The following BRINP2 variants were observed in gnomAD, a reference collection of about 807,000 sequenced individuals.
BRINP2 encodes BMP/retinoic acid-inducible neural-specific protein 2.
BRINP2 carries 21 observed loss-of-function variants against 69.2 expected under a neutral mutation model. The ratio of observed to expected loss-of-function variants is 0.30; its 90% CI spans 0.22 to 0.44. BRINP2 has a LOEUF of 0.44. Ranked by LOEUF, BRINP2 falls within the 20% of genes least tolerant of loss-of-function variation. The probability of loss-of-function intolerance (pLI) is 1.00; values close to 1 mark genes in which losing one functional copy is unlikely to be tolerated. For missense variants in BRINP2, 877 were observed against 986.0 expected (o/e 0.89, Z 1.48); for synonymous variants, 380 against 394.1 (o/e 0.96, Z 0.42).
intron 1 of BRINP2, among the ~76,000 whole-genome samples, chr1:177,172,290 C>A (rs1489935347): frequency 6.6e-6 from 1 of 152,186 alleles, no homozygotes; most frequent in African/African-American, 2.4e-5. Flanking sequence ...AGGGTGGTGG[C>A]AGAAGCCCCA....
chr1:177,239,843 T>C (rs897598962), intron 2 of BRINP2, among the ~76,000 whole-genome samples: 1 of 152,296 alleles, frequency 6.6e-6, no homozygotes, highest in East Asian at 1.9e-4. Context: ...TTGGGGAAGA[T>C]GCAGGAATCT....
At chr1:177,184,431 A>C (rs1413863360) in intron 1 of BRINP2, among the ~76,000 whole-genome samples, 1 of 152,156 alleles carries the variant, frequency 6.6e-6, no homozygotes, top group Non-Finnish European at 1.5e-5. Context: ...AACAAAACTG[A>C]TATCTTGGTG....
At chr1:177,256,606 T>TG in intron 3 of BRINP2, 3 of 985,312 alleles carry the variant, frequency 3.0e-6, no homozygotes, top group Non-Finnish European at 3.6e-6. Context: ...GGTGGAGCAA[T>TG]GTGGGCTAGG....
intron 4 of BRINP2, among the ~76,000 whole-genome samples, chr1:177,268,685 C>T (rs189036642): frequency 1.0e-3 from 155 of 152,294 alleles, no homozygotes; most frequent in African/African-American, 3.6e-3. Context: ...TGCCTATCAC[C>T]TTCCTGACAC....
At chr1:177,195,651 C>T (rs1255185986) in intron 1 of BRINP2, among the ~76,000 whole-genome samples, 2 of 151,800 alleles carry the variant, frequency 1.3e-5, no homozygotes, top group Non-Finnish European at 2.9e-5. Flanking sequence ...AACACCAACG[C>T]TGGCAAGTGG....
intron 5 of BRINP2, among the ~76,000 whole-genome samples, chr1:177,275,928 G>A (rs150046352): frequency 0.011 from 1,676 of 152,282 alleles, 12 homozygotes; most frequent in Middle Eastern, 0.024. Context: ...TGATATGCAC[G>A]CTCTCAATTT....
At chr1:177,248,441 G>T (rs1650458452) in intron 2 of BRINP2, among the ~76,000 whole-genome samples, 1 of 151,170 alleles carries the variant, frequency 6.6e-6, no homozygotes, top group Non-Finnish European at 1.5e-5. Context: ...CAGTTTGTGT[G>T]TGTGTGTGTG....
rs571018588 is a variant in BRINP2, at chr1:177,207,428, A to G, written c.-76-22373A>G. Reference sequence around the variant, plus strand: ...GAAAACAAGTGTTGTCATAGGATGCAGCCATGTAAGGGCGGGCATGTGGAA... The same window carrying G: ...GAAAACAAGTGTTGTCATAGGATGCGGCCATGTAAGGGCGGGCATGTGGAA... On this transcript the variant is annotated intron_variant, in intron 1 of 7. Coordinates refer to ENST00000361539, the MANE Select transcript of BRINP2 (RefSeq NM_021165.4). Among the ~76,000 whole-genome samples, 15 of 152,272 alleles carry G rather than the reference A, an allele frequency of 9.9e-5. No individual in the cohort carries two copies. The East Asian group carries it at 1.7e-3, about 18-fold the overall frequency.
intron 4 of BRINP2, among the ~76,000 whole-genome samples, chr1:177,263,563 G>A (rs892135742): frequency 5.9e-5 from 9 of 152,190 alleles, no homozygotes; most frequent in East Asian, 1.9e-4. Flanking sequence ...CAGCTATATC[G>A]TGGTTAGAAC....
In BRINP2 at chr1:177,229,837, C is replaced by T. The variant is rs1409292020; in HGVS notation, c.-40C>T. On this transcript the variant is annotated 5_prime_UTR_variant, in exon 2 of 8. Coordinates refer to ENST00000361539, the MANE Select transcript of BRINP2 (RefSeq NM_021165.4). ...GGAGGAGCAGCACGGAGCGGGAGAG[C>T]GTGGCGAGAGAATGAAGAAACCAAT... 2 of 1,544,002 alleles carry T rather than the reference C, an allele frequency of 1.3e-6. No homozygotes were observed. The highest frequency in any genetic ancestry group is 1.3e-5 in the South Asian group (1 of 79,828).
intron 2 of BRINP2, among the ~76,000 whole-genome samples, chr1:177,243,678 GAAAC>G (rs1170486323): frequency 6.6e-6 from 1 of 152,176 alleles, no homozygotes; most frequent in Non-Finnish European, 1.5e-5. Context: ...GGTAACTGCT[GAAAC>G]AAACAGTCCT....
At chr1:177,255,150 T>G (rs1356806980) in intron 2 of BRINP2, among the ~76,000 whole-genome samples, 1 of 152,260 alleles carries the variant, frequency 6.6e-6, no homozygotes, top group African/African-American at 2.4e-5. Context: ...TCCACAATTA[T>G]GAAAACAGAT....
At position 177,237,262 on chromosome 1, in the gene BRINP2, A is replaced by G. The variant is rs1650054447; in HGVS notation, c.269+7117A>G. ...CGTGCAATGCATTATTCTAGGCACT[A>G]TAGCAGAATACGAAAGACAGACAAA... On this transcript the variant is annotated intron_variant, in intron 2 of 7. Transcript: ENST00000361539. Among the ~76,000 whole-genome samples the G allele has an allele frequency of 2.0e-5, 3 of 152,366 alleles. No individual in the cohort carries two copies. The South Asian group carries it at 6.2e-4, about 32-fold the overall frequency.
chr1:177,274,288 G>A (rs891531876), intron 5 of BRINP2, among the ~76,000 whole-genome samples: 1 of 152,214 alleles, frequency 6.6e-6, no homozygotes, highest in Admixed American at 6.5e-5. Flanking sequence ...CATCCTGGGG[G>A]CAGGGCTATG....
intron 1 of BRINP2, among the ~76,000 whole-genome samples, chr1:177,222,620 C>CT (rs1244190532): frequency 1.3e-4 from 19 of 151,794 alleles, no homozygotes; most frequent in Non-Finnish European, 2.5e-4. Context: ...TCAGGCCAGA[C>CT]ACCTTTTAAA....
In BRINP2 at chr1:177,191,630, A is replaced by G. The variant is rs186517427; in HGVS notation, c.-77+19898A>G. ...CCACCACACCTGGCTAATTTTTTGT[A>G]TCTTTAGTAGAGATGGGATTTCATC... On this transcript the variant is annotated intron_variant, in intron 1 of 7. Coordinates refer to ENST00000361539, the MANE Select transcript of BRINP2 (RefSeq NM_021165.4). Among the ~76,000 whole-genome samples the G allele has an allele frequency of 1.1e-3, 172 of 152,114 alleles. 2 individuals carry two copies. The highest frequency in any genetic ancestry group is 3.4e-3 in the Middle Eastern group (1 of 294).
chr1:177,202,429 A>G (rs1027682277), intron 1 of BRINP2, among the ~76,000 whole-genome samples: 3 of 152,206 alleles, frequency 2.0e-5, no homozygotes, highest in African/African-American at 7.2e-5. Flanking sequence ...TTCAAAGAAC[A>G]TCTTTATTTC....
At chr1:177,180,190 T>G (rs1279964367) in intron 1 of BRINP2, among the ~76,000 whole-genome samples, 1 of 152,234 alleles carries the variant, frequency 6.6e-6, no homozygotes. Context: ...ATTCCTGTTT[T>G]GCATATGGAA....
At chr1:177,187,922 T>C (rs1648475926) in intron 1 of BRINP2, among the ~76,000 whole-genome samples, 1 of 152,236 alleles carries the variant, frequency 6.6e-6, no homozygotes, top group Non-Finnish European at 1.5e-5. Context: ...GAGAGAGTCT[T>C]GATCTAAAAT....
Sources: gnomAD v4.1 joint callset for allele counts (sites outside exome capture counted in the v4.1 genomes callset) on GRCh38, gnomAD v4.1.1 for gene constraint, MANE v1.5 for transcripts, NCBI Gene and HGNC (gene_info 2026-07-23, HGNC 2026-07-21) for gene names.